Variants in RFX3 observed in about 807,000 individuals in gnomAD.
The protein encoded by RFX3 is transcription factor RFX3.
In RFX3, 14 loss-of-function variants were observed where a neutral mutation model predicts 98.6. That is an observed-to-expected ratio of 0.14 (90% CI 0.09 to 0.22). RFX3 has a LOEUF of 0.22. RFX3 is among the 10% of genes least tolerant of loss of function. The pLI, the probability that RFX3 is intolerant of heterozygous loss-of-function variation, is 1.00. For missense variants in RFX3, 639 were observed against 926.9 expected, an observed-to-expected ratio of 0.69 and a Z score of 4.03; for synonymous variants, 383 against 328.4, an observed-to-expected ratio of 1.17 and a Z score of -1.80.
chr9:3,517,007 T>C (rs951931997), intron 1 of RFX3, among the ~76,000 whole-genome samples: 3 of 152,230 alleles, frequency 2.0e-5, no homozygotes, highest in Admixed American at 6.5e-5. Context: ...GGTATGGCCA[T>C]TATGCTAGCA....
At chr9:3,518,024 A>C (rs1235594727) in intron 1 of RFX3, among the ~76,000 whole-genome samples, 1 of 152,206 alleles carries the variant, frequency 6.6e-6, no homozygotes, top group Admixed American at 6.5e-5. Flanking sequence ...ATATGTTCAG[A>C]TACACAAATA....
At chr9:3,502,713 C>T (rs1192260690) in intron 1 of RFX3, among the ~76,000 whole-genome samples, 1 of 151,852 alleles carries the variant, frequency 6.6e-6, no homozygotes, top group East Asian at 1.9e-4. Context: ...TTTTTTTCCT[C>T]ACCCTTCCAT....
At chr9:3,374,983 CA>C (rs1359375012) in intron 2 of RFX3, among the ~76,000 whole-genome samples, 2 of 151,860 alleles carry the variant, frequency 1.3e-5, no homozygotes, top group East Asian at 3.9e-4. Context: ...GGTTCATGAA[CA>C]AAATTAGAAC....
chr9:3,250,161 G>A (rs971926860), intron 14 of RFX3, among the ~76,000 whole-genome samples: 1 of 151,462 alleles, frequency 6.6e-6, no homozygotes, highest in African/African-American at 2.4e-5. Context: ...TACTAAAAAA[G>A]CAAAAACAAC....
At position 3,223,416 on chromosome 9, in the gene RFX3, C is replaced by T. The variant is rs1817462977; in HGVS notation, c.*1626G>A. The stretch of plus-strand genomic sequence containing the variant: ...ACCAGCACCTAGACACACAGACAAA[C>T]ATTTAGACTGAAAAGATGCACTTCG... On this transcript the variant is annotated 3_prime_UTR_variant, in exon 17 of 17. Transcript: ENST00000617270. 6.6e-6 allele frequency: 1 copy of T among 152,166 alleles called. No individual in the cohort carries two copies. Among genetic ancestry groups the T allele is most frequent in the African/African-American group, 2.4e-5 (1 of 41,446 alleles). The allele number at this position is 152,166 out of a possible 1,614,324, so 9.4% of individuals were successfully genotyped here. A position where few individuals can be genotyped will look rare whatever the true frequency, so the allele number is the denominator to read the frequency against.
chr9:3,308,387 G>A (rs1276222689), intron 4 of RFX3, among the ~76,000 whole-genome samples: 2 of 152,154 alleles, frequency 1.3e-5, no homozygotes, highest in African/African-American at 2.4e-5. Context: ...TGAAGAGGGG[G>A]ATTCAGCACT....
intron 1 of RFX3, among the ~76,000 whole-genome samples, chr9:3,412,639 G>A (rs1485416777): frequency 6.6e-6 from 1 of 152,100 alleles, no homozygotes. Context: ...AGTTTCAGGA[G>A]ATGCAACATG....
chr9:3,512,913 CCTT>C (rs1817784475), intron 1 of RFX3, among the ~76,000 whole-genome samples: 1 of 151,988 alleles, frequency 6.6e-6, no homozygotes, highest in Admixed American at 6.6e-5. Flanking sequence ...ACTTTTTTAT[CCTT>C]CTTGATTCCC....
chr9:3,520,045 G>A (rs1445457122), intron 1 of RFX3, among the ~76,000 whole-genome samples: 1 of 152,182 alleles, frequency 6.6e-6, no homozygotes, highest in Non-Finnish European at 1.5e-5. Flanking sequence ...AGGAGATTGA[G>A]GCTGCAGTGA....
At chr9:3,296,120 T>A (rs1827953249) in intron 5 of RFX3, among the ~76,000 whole-genome samples, 1 of 151,896 alleles carries the variant, frequency 6.6e-6, no homozygotes. Context: ...AATAATAGAA[T>A]ATTTGAAGGA....
intron 1 of RFX3, among the ~76,000 whole-genome samples, chr9:3,438,405 T>C (rs553164638): frequency 1.3e-5 from 2 of 151,932 alleles, no homozygotes; most frequent in East Asian, 3.9e-4. Flanking sequence ...ACAACAGAGA[T>C]GCTTAAAGGG....
intron 2 of RFX3, among the ~76,000 whole-genome samples, chr9:3,348,365 A>T (rs1461500805): frequency 1.3e-5 from 2 of 151,980 alleles, no homozygotes; most frequent in Non-Finnish European, 2.9e-5. Flanking sequence ...TCACTAGTGG[A>T]GTCATATGTT....
chr9:3,496,632 CCTTTCA>C (rs1025085438), intron 1 of RFX3, among the ~76,000 whole-genome samples: 4 of 151,882 alleles, frequency 2.6e-5, no homozygotes, highest in African/African-American at 7.3e-5. Flanking sequence ...TCTCATTTTC[CCTTTCA>C]CTTTATCTTT....
At chr9:3,281,597 G>C (rs1408414802) in intron 7 of RFX3, among the ~76,000 whole-genome samples, 1 of 151,694 alleles carries the variant, frequency 6.6e-6, no homozygotes, top group African/African-American at 2.4e-5. Flanking sequence ...AGAGGCAAAT[G>C]ATAATTTTAA....
chr9:3,343,293 A>G (rs188230744), intron 3 of RFX3, among the ~76,000 whole-genome samples: 3 of 152,266 alleles, frequency 2.0e-5, no homozygotes, highest in Admixed American at 2.0e-4. Flanking sequence ...GTTCATGATA[A>G]AGATCAGAGT....
chr9:3,300,491 T>C (rs943145531), intron 5 of RFX3, among the ~76,000 whole-genome samples: 1 of 151,824 alleles, frequency 6.6e-6, no homozygotes, highest in East Asian at 1.9e-4. Flanking sequence ...AAAGATCAAA[T>C]ACTTAAAAAA....
chr9:3,362,847 A>G (rs1836615060), intron 2 of RFX3, among the ~76,000 whole-genome samples: 1 of 152,240 alleles, frequency 6.6e-6, no homozygotes, highest in Non-Finnish European at 1.5e-5. Flanking sequence ...ACTTGGAAGA[A>G]GTAAAGCAGG....
intron 4 of RFX3, among the ~76,000 whole-genome samples, chr9:3,323,714 A>C (rs1049822370): frequency 1.3e-5 from 2 of 152,236 alleles, no homozygotes; most frequent in Admixed American, 1.3e-4. Context: ...TAGCTAAAAA[A>C]TAAAATAATT....
intron 1 of RFX3, among the ~76,000 whole-genome samples, chr9:3,414,523 A>G (rs562526961): frequency 7.3e-5 from 11 of 149,972 alleles, no homozygotes; most frequent in East Asian, 3.9e-4. Flanking sequence ...GTATATATAT[A>G]TGTGTGTGTG....
Sources: gnomAD v4.1 joint callset for allele counts (sites outside exome capture counted in the v4.1 genomes callset) on GRCh38, gnomAD v4.1.1 for gene constraint, MANE v1.5 for transcripts, NCBI Gene and HGNC (gene_info 2026-07-23, HGNC 2026-07-21) for gene names.